The following MYO16 variants were observed in gnomAD, a reference collection of about 807,000 sequenced individuals.
MYO16 encodes myosin XVI, also known as unconventional myosin-XVI.
In MYO16, 94 loss-of-function variants were observed where a neutral mutation model predicts 205.3. The ratio of observed to expected loss-of-function variants is 0.46; its 90% CI spans 0.39 to 0.54. The LOEUF (loss-of-function observed/expected upper bound fraction) is 0.54, where lower values mean the gene tolerates loss of function less well. Ranked by LOEUF, MYO16 falls within the 20% of genes least tolerant of loss-of-function variation. The pLI is 0.00. For missense variants in MYO16, 2,315 were observed against 2,387.5 expected (o/e 0.97, Z 0.63); for synonymous variants, 988 against 954.0 (o/e 1.04, Z -0.66).
chr13:108,497,071 G>T, the MYO16 span, among the ~76,000 whole-genome samples: 1 of 152,098 alleles, frequency 6.6e-6, no homozygotes, highest in African/African-American at 2.4e-5. Flanking sequence ...ACGCTCCTGC[G>T]GTCTATCCAT....
the MYO16 span, among the ~76,000 whole-genome samples, chr13:108,506,450 T>G: frequency 6.6e-6 from 1 of 152,164 alleles, no homozygotes; most frequent in Non-Finnish European, 1.5e-5. Flanking sequence ...TTTTTAAATT[T>G]CATTTTTGGA....
intron 1 of MYO16, among the ~76,000 whole-genome samples, chr13:108,612,176 T>C (rs977386): frequency 0.58 from 87,330 of 151,724 alleles, 25,415 homozygotes; most frequent in African/African-American, 0.63. Context: ...TTGACTCTTC[T>C]GCAGCTCCTC....
chr13:109,132,361 T>C (rs1052249048), intron 31 of MYO16, among the ~76,000 whole-genome samples: 2 of 152,236 alleles, frequency 1.3e-5, no homozygotes, highest in African/African-American at 4.8e-5. Context: ...GCTGTACAAC[T>C]GCATTCTCCA....
At chr13:108,927,252 A>G (rs1882050147) in intron 16 of MYO16, among the ~76,000 whole-genome samples, 1 of 152,134 alleles carries the variant, frequency 6.6e-6, no homozygotes, top group African/African-American at 2.4e-5. Context: ...AATGCATTAT[A>G]TTTGCATTTT....
At chr13:108,614,100 G>C (rs138460463) in intron 1 of MYO16, among the ~76,000 whole-genome samples, 1 of 152,136 alleles carries the variant, frequency 6.6e-6, no homozygotes, top group East Asian at 1.9e-4. Flanking sequence ...CATATAAAAT[G>C]TAGAACCAAT....
chr13:108,762,388 G>T (rs1369519270), intron 4 of MYO16, among the ~76,000 whole-genome samples: 1 of 152,140 alleles, frequency 6.6e-6, no homozygotes, highest in Non-Finnish European at 1.5e-5. Flanking sequence ...TCAAATCGTA[G>T]TTCTGTTTTT....
At chr13:108,885,450 G>A (rs910243877) in intron 13 of MYO16, among the ~76,000 whole-genome samples, 8 of 152,044 alleles carry the variant, frequency 5.3e-5, no homozygotes, top group Non-Finnish European at 7.4e-5. Context: ...TGAGAAAGGC[G>A]CAGAGATGGG....
At chr13:108,804,250 C>G in intron 6 of MYO16, among the ~76,000 whole-genome samples, 1 of 152,212 alleles carries the variant, frequency 6.6e-6, no homozygotes, top group African/African-American at 2.4e-5. Flanking sequence ...ACCACCTGTC[C>G]TGCTTTGTAG....
chr13:109,020,803 T>C (rs1029864239), intron 23 of MYO16, among the ~76,000 whole-genome samples: 6 of 152,168 alleles, frequency 3.9e-5, no homozygotes, highest in African/African-American at 1.4e-4. Context: ...TGTCTTACAG[T>C]GTATTTCAGT....
At chr13:109,161,149 C>G (rs561486662) in intron 32 of MYO16, among the ~76,000 whole-genome samples, 1 of 152,308 alleles carries the variant, frequency 6.6e-6, no homozygotes, top group South Asian at 2.1e-4. Flanking sequence ...AGGAGAACCC[C>G]AAAGTGGGGA....
chr13:109,097,892 A>C (rs977580065), intron 27 of MYO16, among the ~76,000 whole-genome samples: 1 of 152,208 alleles, frequency 6.6e-6, no homozygotes, highest in Non-Finnish European at 1.5e-5. Context: ...GAGGATTCTC[A>C]ATCCAGGAAA....
In MYO16 at chr13:108,852,693, G is replaced by C. The variant is rs185047978; in HGVS notation, c.1249-2750G>C. On this transcript the variant is annotated intron_variant, in intron 10 of 34. Transcript: ENST00000457511. The stretch of plus-strand genomic sequence containing the variant: ...CCGCCAACAGCTCCAAGGGAAGCTG[G>C]TAGGAAGTTACATGGTCTCCGTGGC... Among the ~76,000 whole-genome samples the C allele has an allele frequency of 3.0e-4, 45 of 152,222 alleles. No homozygotes were observed. In the East Asian group the frequency reaches 6.2e-3, roughly 21 times the overall value.
At chr13:109,187,987 G>A (rs1323387695) in intron 34 of MYO16, among the ~76,000 whole-genome samples, 3 of 152,098 alleles carry the variant, frequency 2.0e-5, no homozygotes, top group Non-Finnish European at 4.4e-5. Context: ...CACACCTTTC[G>A]GTTTCATCAG....
chr13:108,898,170 C>A (rs578223249), intron 15 of MYO16, 37 bp downstream of exon 15: 18 of 1,517,096 alleles, frequency 1.2e-5, no homozygotes, highest in Non-Finnish European at 1.6e-5. Flanking sequence ...TTTCCTGTGC[C>A]GAGCCAGCAT....
At chr13:108,974,261 C>G (rs1327377408) in intron 20 of MYO16, among the ~76,000 whole-genome samples, 1 of 152,048 alleles carries the variant, frequency 6.6e-6, no homozygotes, top group Non-Finnish European at 1.5e-5. Flanking sequence ...ATAGAATTTT[C>G]TATGATTTCA....
intron 22 of MYO16, among the ~76,000 whole-genome samples, chr13:109,016,451 T>A (rs145665788): frequency 7.6e-4 from 115 of 152,312 alleles, no homozygotes; most frequent in Non-Finnish European, 1.4e-3. Flanking sequence ...TGATTTGGGG[T>A]GGAGAGTTCT....
At chr13:108,837,680 A>G (rs1359079964) in intron 9 of MYO16, among the ~76,000 whole-genome samples, 1 of 152,158 alleles carries the variant, frequency 6.6e-6, no homozygotes, top group Non-Finnish European at 1.5e-5. Context: ...ATCTGATTTA[A>G]ATCTGATTTA....
chr13:108,624,997 G>A (rs184606656), upstream of MYO16, among the ~76,000 whole-genome samples: 82 of 152,220 alleles, frequency 5.4e-4, no homozygotes, highest in African/African-American at 1.5e-3. Context: ...TTTTCTAGCC[G>A]TTATATGACA....
At chr13:108,722,252 A>C (rs899472663) in intron 3 of MYO16, among the ~76,000 whole-genome samples, 1 of 152,144 alleles carries the variant, frequency 6.6e-6, no homozygotes, top group Non-Finnish European at 1.5e-5. Context: ...GGTGCCATAA[A>C]GTGTCACCAG....
Sources: gnomAD v4.1 joint callset for allele counts (sites outside exome capture counted in the v4.1 genomes callset) on GRCh38, gnomAD v4.1.1 for gene constraint, MANE v1.5 for transcripts, NCBI Gene and HGNC (gene_info 2026-07-23, HGNC 2026-07-21) for gene names.